Variants in FGD1 observed in about 807,000 individuals in gnomAD.
FGD1 encodes the protein FYVE, RhoGEF and PH domain containing 1.
In FGD1, 12 loss-of-function variants were observed where a neutral mutation model predicts 65.0. The ratio of observed to expected loss-of-function variants is 0.18; its 90% CI spans 0.12 to 0.30. The LOEUF is 0.30. Among genes scored for constraint, FGD1 ranks in the 10% least tolerant of loss-of-function variants. The pLI is 1.00. For synonymous variants in FGD1, 333 were observed against 343.9 expected, an observed-to-expected ratio of 0.97 and a Z score of 0.35; for missense variants, 542 against 837.6, an observed-to-expected ratio of 0.65 and a Z score of 4.36.
intron 4 of FGD1, among the ~76,000 whole-genome samples, chrX:54,469,232 C>T (rs1265501290): frequency 2.7e-5 from 3 of 112,190 alleles, no homozygotes; most frequent in East Asian, 5.6e-4. Flanking sequence ...AGTTCTTTAA[C>T]AGCTCTGTAT....
intron 8 of FGD1, among the ~76,000 whole-genome samples, chrX:54,461,949 T>A (rs923199867): frequency 2.7e-5 from 3 of 111,247 alleles, no homozygotes; most frequent in African/African-American, 9.8e-5. Context: ...TTTGGGGACC[T>A]CAAGCTGAAG....
chrX:54,477,579 G>A lies in FGD1; in HGVS notation c.308-6092C>T, dbSNP rs773662663. On this transcript the variant is annotated intron_variant, in intron 1 of 17. Coordinates refer to ENST00000375135, the MANE Select transcript of FGD1 (RefSeq NM_004463.3). ...CGAATAGCTGAGATTACAGGTGCCT[G>A]CCACCAAGCCCAGCTAATTTTTGTA... Among the ~76,000 whole-genome samples, 10 of 109,223 alleles carry A rather than the reference G, an allele frequency of 9.2e-5. No individual in the cohort carries two copies. In the South Asian group the frequency reaches 4.1e-3, roughly 45 times the overall value. 94.8% of individuals were successfully genotyped at this position (109,223 alleles called of 115,157 possible).
intron 8 of FGD1, among the ~76,000 whole-genome samples, chrX:54,464,502 A>G (rs1237434180): frequency 1.8e-5 from 2 of 111,701 alleles, no homozygotes; most frequent in African/African-American, 6.5e-5. Context: ...CCCTGAGATC[A>G]AGGACCTTGT....
intron 1 of FGD1, among the ~76,000 whole-genome samples, chrX:54,483,960 C>G (rs1281368922): frequency 9.0e-6 from 1 of 111,726 alleles, no homozygotes; most frequent in Non-Finnish European, 1.9e-5. Flanking sequence ...GAGGCATTCT[C>G]TACACCACTG....
intron 1 of FGD1, among the ~76,000 whole-genome samples, chrX:54,473,168 TG>T (rs1213336452): frequency 8.9e-6 from 1 of 111,829 alleles, no homozygotes; most frequent in African/African-American, 3.3e-5. Context: ...AGTCACACAA[TG>T]GCAATTCTGC....
intron 4 of FGD1, among the ~76,000 whole-genome samples, chrX:54,469,363 G>C (rs1042028174): frequency 2.7e-5 from 3 of 112,074 alleles, no homozygotes; most frequent in Non-Finnish European, 5.6e-5. Context: ...TGGTAATGGA[G>C]ACAATTAGAT....
chrX:54,465,907 T>G (rs1922748706), intron 6 of FGD1, 55 bp from the exon 7 acceptor site: 1 of 1,176,003 alleles, frequency 8.5e-7, no homozygotes, highest in Non-Finnish European at 1.2e-6. Flanking sequence ...CCTCAGAAAC[T>G]TCCCCCACAA....
intron 17 of FGD1, among the ~76,000 whole-genome samples, chrX:54,446,693 T>C (rs1922196464): frequency 9.4e-6 from 1 of 106,094 alleles, no homozygotes; most frequent in African/African-American, 3.4e-5. Flanking sequence ...TTCAGGCCTT[T>C]GTCTATGCTA....
chrX:54,465,911 C>T lies in FGD1; in HGVS notation c.1341-59G>A, dbSNP rs1345987267. On this transcript the variant is annotated intron_variant, in intron 6 of 17. Coordinates refer to ENST00000375135, the MANE Select transcript of FGD1 (RefSeq NM_004463.3). Reference sequence around the variant, plus strand: ...TGCTCTTTGCCCCTCAGAAACTTCCCCCACAAGTTTCCAGCCCCAGGCAGA... The same window carrying T: ...TGCTCTTTGCCCCTCAGAAACTTCCTCCACAAGTTTCCAGCCCCAGGCAGA... The T allele has an allele frequency of 6.0e-6, 7 of 1,161,062 alleles. No homozygotes were observed. In the Admixed American group the frequency reaches 1.1e-4, roughly 19 times the overall value.
At position 54,470,251 on chromosome X, in the gene FGD1, C is replaced by T; in HGVS notation, c.866G>A (p.Ser289Asn). The change falls in exon 4 of 18, where the codon AGC (serine) becomes AAC (asparagine). Residue 289 changes from serine (S) to asparagine (N), a missense_variant. By Grantham distance (46) the Ser-to-Asn change is conservative. Around this residue, in one of 6 missense-constraint regions of FGD1, gnomAD observed 297 missense variants for 326.8 expected, o/e 0.91. Coordinates refer to ENST00000375135, the MANE Select transcript of FGD1 (RefSeq NM_004463.3). ...GGTCTCCTCGCTGTTGGATGGCGAG[C>T]TGATGCTATCAATGCCGCTGTCCCG... ...PNRDSGIDSISSPSNSEETCF... is the reference protein window; with the variant it reads ...PNRDSGIDSINSPSNSEETCF... 8.3e-7 allele frequency: 1 copy of T among 1,205,043 alleles called. No homozygotes were observed. Among genetic ancestry groups the T allele is most frequent in the Non-Finnish European group, 1.1e-6 (1 of 892,036 alleles).
At chrX:54,484,508 A>G (rs1923229021) in intron 1 of FGD1, among the ~76,000 whole-genome samples, 2 of 111,454 alleles carry the variant, frequency 1.8e-5, no homozygotes, top group Admixed American at 1.9e-4. Context: ...TTTGCTCACC[A>G]AGTATTATTT....
intron 1 of FGD1, among the ~76,000 whole-genome samples, chrX:54,485,464 T>A (rs189283428): frequency 1.7e-4 from 19 of 111,725 alleles, no homozygotes; most frequent in African/African-American, 6.2e-4. Context: ...CATGCAAATA[T>A]GTTTATTTAT....
At chrX:54,452,561 T>C (rs964792397) in intron 12 of FGD1, among the ~76,000 whole-genome samples, 2 of 109,780 alleles carry the variant, frequency 1.8e-5, no homozygotes, top group Non-Finnish European at 3.8e-5. Context: ...GCCTGGCCAA[T>C]ATGGCGAAAC....
chrX:54,453,290 C>G (rs1219987184), intron 12 of FGD1, among the ~76,000 whole-genome samples: 3 of 111,902 alleles, frequency 2.7e-5, no homozygotes, highest in Non-Finnish European at 5.6e-5. Flanking sequence ...GGAGGATACC[C>G]TCTATCTCAC....
At chrX:54,463,003 TCCA>T (rs1922674855) in intron 8 of FGD1, among the ~76,000 whole-genome samples, 1 of 110,695 alleles carries the variant, frequency 9.0e-6, no homozygotes, top group Admixed American at 9.7e-5. Context: ...GACTTTGTGA[TCCA>T]CCTGCCTCAG....
intron 1 of FGD1, among the ~76,000 whole-genome samples, chrX:54,475,864 C>T (rs781062783): frequency 9.0e-5 from 10 of 111,663 alleles, no homozygotes; most frequent in Middle Eastern, 4.2e-3. Context: ...GTTGGGAGTT[C>T]GAGACCAGCC....
intron 12 of FGD1, among the ~76,000 whole-genome samples, chrX:54,451,787 G>C (rs1285352186): frequency 9.3e-6 from 1 of 107,911 alleles, no homozygotes. Context: ...TACTTGTGAG[G>C]CTGAGGCAGG....
At chrX:54,455,878 G>T in intron 10 of FGD1, 94 bp from the exon 11 acceptor site, 1 of 759,345 alleles carries the variant, frequency 1.3e-6, no homozygotes, top group Non-Finnish European at 2.0e-6. Context: ...AAGGACTGTA[G>T]GCAATAGATG....
chrX:54,473,877 G>A (rs201784095), intron 1 of FGD1, among the ~76,000 whole-genome samples: 2 of 110,365 alleles, frequency 1.8e-5, no homozygotes, highest in African/African-American at 3.3e-5. Context: ...CCAGCTACTC[G>A]GGAGGCTGAG....
Sources: gnomAD v4.1 joint callset for allele counts (sites outside exome capture counted in the v4.1 genomes callset) on GRCh38, gnomAD v4.1.1 for gene constraint, gnomAD v4.1.1 regional missense constraint, MANE v1.5 for transcripts, NCBI Gene and HGNC (gene_info 2026-07-23, HGNC 2026-07-21) for gene names.